KLHL32: variants seen among roughly 807,000 people sequenced by gnomAD.
KLHL32 encodes the protein kelch like family member 32, also known as kelch-like protein 32.
Under a neutral mutation model 64.8 loss-of-function variants are expected in KLHL32, and 35 were observed. The observed-to-expected ratio is 0.54, with a 90% confidence interval of 0.41 to 0.72. The LOEUF is 0.72. Among genes scored for constraint, KLHL32 ranks in the 30% least tolerant of loss-of-function variants. The pLI, the probability that KLHL32 is intolerant of heterozygous loss-of-function variation, is 0.00. For synonymous variants in KLHL32, 259 were observed against 281.0 expected (o/e 0.92, Z 0.78); for missense variants, 589 against 768.5 (o/e 0.77, Z 2.76).
chr6:97,048,007 A>G (rs1427882152), intron 4 of KLHL32, among the ~76,000 whole-genome samples: 2 of 152,200 alleles, frequency 1.3e-5, no homozygotes, highest in African/African-American at 4.8e-5. Context: ...AGGAATATAC[A>G]CTATATGCCA....
chr6:96,979,387 T>C (rs1776049499), intron 3 of KLHL32, among the ~76,000 whole-genome samples: 3 of 152,174 alleles, frequency 2.0e-5, no homozygotes, highest in African/African-American at 4.8e-5. Context: ...GCATCACTTA[T>C]TGAATTTGGT....
In KLHL32 at chr6:97,079,863, A is replaced by C. The variant is rs574355185; in HGVS notation, c.412-5263A>C. 5.9e-5 allele frequency among the ~76,000 whole-genome samples: 9 copies of C among 152,182 alleles called. No individual in the cohort carries two copies. In the South Asian group the frequency reaches 1.5e-3, roughly 25 times the overall value. ...AGTGTGACAGAAATGAAACCTTTTT[A>C]GAAAAAAAAAAGAGTAAGATTTTCT... is the stretch of plus-strand genomic sequence containing the variant. On this transcript the variant is annotated intron_variant, in intron 5 of 10. Coordinates refer to ENST00000369261, the MANE Select transcript of KLHL32 (RefSeq NM_052904.4).
At chr6:97,062,546 A>G (rs546926151) in intron 4 of KLHL32, 13 of 152,364 alleles carry the variant, frequency 8.5e-5, no homozygotes, top group Non-Finnish European at 1.9e-4. Flanking sequence ...TCACTTCTTT[A>G]CTTTGCCACT....
intron 1 of KLHL32, among the ~76,000 whole-genome samples, chr6:96,955,181 T>C (rs1773110117): frequency 6.6e-6 from 1 of 152,162 alleles, no homozygotes; most frequent in African/African-American, 2.4e-5. Context: ...GATATAAGAG[T>C]TTGAACACTT....
chr6:97,104,385 T>C (rs369646859), intron 6 of KLHL32, among the ~76,000 whole-genome samples: 40 of 152,342 alleles, frequency 2.6e-4, no homozygotes, highest in African/African-American at 9.1e-4. Context: ...GTATGTACTT[T>C]AAAACATGTG....
At chr6:97,102,517 G>A (rs894550564) in intron 6 of KLHL32, among the ~76,000 whole-genome samples, 2 of 151,918 alleles carry the variant, frequency 1.3e-5, no homozygotes, top group Admixed American at 6.6e-5. Context: ...AAATATGCAG[G>A]AGCTATCATT....
rs750242567 is a variant in KLHL32 at position 97,055,796 on chromosome 6, T to TAAAAAAAAAAAAAAAAAAA, written c.313-8824_313-8806dup. Among the ~76,000 whole-genome samples, 554 of 81,018 alleles carry TAAAAAAAAAAAAAAAAAAA rather than the reference T, an allele frequency of 6.8e-3. 94 individuals carry two copies. Among genetic ancestry groups the TAAAAAAAAAAAAAAAAAAA allele is most frequent in the East Asian group, 0.015 (39 of 2,670 alleles). The allele number at this position is 81,018 out of a possible 152,430, so 53.2% of individuals were successfully genotyped here. ...CGAGGTAACAGACTGAGAACCTGTC[T>TAAAAAAAAAAAAAAAAAAA]AAAAAAAAAAAAAAAAAAAAAAAAA... is the stretch of plus-strand genomic sequence containing the variant. On this transcript the variant is annotated intron_variant, in intron 4 of 10. Transcript: ENST00000369261.
chr6:97,103,815 T>G (rs1274575424), intron 6 of KLHL32, among the ~76,000 whole-genome samples: 1 of 152,200 alleles, frequency 6.6e-6, no homozygotes, highest in African/African-American at 2.4e-5. Flanking sequence ...ATCAAAACTC[T>G]CTGTGCTACA....
chr6:97,043,658 G>A (rs1039302453), intron 4 of KLHL32, among the ~76,000 whole-genome samples: 17 of 152,106 alleles, frequency 1.1e-4, no homozygotes, highest in Admixed American at 3.9e-4. Context: ...CATAATGGGT[G>A]TATTAATTTA....
intron 3 of KLHL32, among the ~76,000 whole-genome samples, chr6:97,003,203 G>A (rs545454191): frequency 2.0e-5 from 3 of 152,270 alleles, no homozygotes; most frequent in African/African-American, 7.2e-5. Flanking sequence ...ACTGGTATAA[G>A]ATGGTACCTC....
At chr6:97,011,297 A>G (rs1342872476) in intron 3 of KLHL32, among the ~76,000 whole-genome samples, 1 of 152,178 alleles carries the variant, frequency 6.6e-6, no homozygotes, top group Non-Finnish European at 1.5e-5. Context: ...TAGGAACCAT[A>G]TCTTCATATT....
intron 8 of KLHL32, 92 bp from the exon 9 acceptor site, chr6:97,130,665 A>G (rs1350219720): frequency 2.2e-6 from 2 of 905,480 alleles, no homozygotes; most frequent in East Asian, 2.6e-5. Flanking sequence ...ATTGATAAAC[A>G]TTAGGGTTCT....
chr6:96,974,304 C>T (rs1231202459), intron 2 of KLHL32, among the ~76,000 whole-genome samples: 2 of 152,168 alleles, frequency 1.3e-5, no homozygotes, highest in Non-Finnish European at 2.9e-5. Context: ...TAAAGCTTTA[C>T]TTGGCTGATA....
intron 1 of KLHL32, 123 bp from the exon 2 acceptor site, chr6:96,966,873 T>C (rs1433282630): frequency 1.9e-5 from 10 of 530,556 alleles, no homozygotes; most frequent in South Asian, 5.7e-5. Context: ...GAACGTTTTA[T>C]GTGGACAGTA....
chr6:97,024,061 G>A (rs1414439548), intron 3 of KLHL32, among the ~76,000 whole-genome samples: 1 of 152,174 alleles, frequency 6.6e-6, no homozygotes, highest in South Asian at 2.1e-4. Context: ...AGTTGGCATT[G>A]TCCACTTTGT....
intron 7 of KLHL32, among the ~76,000 whole-genome samples, chr6:97,116,760 T>A (rs1044492690): frequency 1.3e-5 from 2 of 152,222 alleles, no homozygotes; most frequent in Non-Finnish European, 2.9e-5. Context: ...TGACTTCCCT[T>A]TCAATATGTG....
At chr6:97,125,830 C>T (rs1331786755) in intron 7 of KLHL32, among the ~76,000 whole-genome samples, 2 of 152,192 alleles carry the variant, frequency 1.3e-5, no homozygotes, top group African/African-American at 2.4e-5. Flanking sequence ...ATATAGAGCA[C>T]TATCTTCCTT....
At chr6:96,990,891 T>C (rs1179439154) in intron 3 of KLHL32, among the ~76,000 whole-genome samples, 2 of 152,108 alleles carry the variant, frequency 1.3e-5, no homozygotes, top group Non-Finnish European at 2.9e-5. Flanking sequence ...TGTTCCTTCC[T>C]TAGTCCAAGG....
chr6:97,019,872 C>T (rs971079982), intron 3 of KLHL32, among the ~76,000 whole-genome samples: 25 of 151,612 alleles, frequency 1.6e-4, no homozygotes, highest in Non-Finnish European at 2.4e-4. Context: ...CTCTGCCTCC[C>T]GGGTTCAAGC....
Sources: gnomAD v4.1 joint callset for allele counts (sites outside exome capture counted in the v4.1 genomes callset) on GRCh38, gnomAD v4.1.1 for gene constraint, MANE v1.5 for transcripts, NCBI Gene and HGNC (gene_info 2026-07-23, HGNC 2026-07-21) for gene names.